The following GPANK1 variants were observed in gnomAD, a reference collection of about 807,000 sequenced individuals.
The protein encoded by GPANK1 is G patch domain and ankyrin repeat-containing protein 1.
GPANK1 carries 22 observed loss-of-function variants against 24.0 expected under a neutral mutation model. That is an observed-to-expected ratio of 0.92 (90% CI 0.66 to 1.31). GPANK1 has a LOEUF of 1.31. GPANK1 is among the 50% of genes most tolerant of loss of function. GPANK1 has a pLI of 0.00. For missense variants in GPANK1, 469 were observed against 453.5 expected, an observed-to-expected ratio of 1.03 and a Z score of -0.31; for synonymous variants, 174 against 177.4, an observed-to-expected ratio of 0.98 and a Z score of 0.15.
chr6:31,662,714 C>G lies in GPANK1; in HGVS notation c.627-4G>C. 6.4e-7 allele frequency: 1 copy of G among 1,554,036 alleles called. No individual in the cohort carries two copies. Among genetic ancestry groups the G allele is most frequent in the Non-Finnish European group, 8.8e-7 (1 of 1,141,780 alleles). ...CTGGAGGGAGGGAGTAGGAGACCTG[C>G]AGAGAAAGAAGAAAAAGCATTAAGG... On this transcript the variant is annotated splice_polypyrimidine_tract_variant and splice_region_variant and intron_variant, in intron 2 of 2. Transcript: ENST00000375896. This position sits in a 1 kb window ranked among gnomAD's most constrained non-coding sequence, Gnocchi z 5.5.
chr6:31,664,200 T>TC lies in GPANK1; in HGVS notation c.278dup (p.Gln94ThrfsTer6), dbSNP rs1353618721. The TC allele has an allele frequency of 3.7e-6, 6 of 1,614,168 alleles. No individual in the cohort carries two copies. Among genetic ancestry groups the TC allele is most frequent in the Non-Finnish European group, 5.1e-6 (6 of 1,179,974 alleles). On this transcript the variant is annotated frameshift_variant, in exon 2 of 3. Transcript: ENST00000375896. LOFTEE classifies it high-confidence loss of function. ...CCTCAGCCTCAAGGGATCTCCCTTG[T>TC]CCATGTCTTCCTGATGCTCCTTCTG...
In GPANK1 at chr6:31,662,658, C is replaced by CTTGG; in HGVS notation, c.675_678dup (p.Asp227ProfsTer54). ...GCAGTGGATGTGCGGTGGTTGGAAT[C>CTTGG]TTGGAAGTGGGTGTCACAGTTCTCG... On this transcript the variant is annotated frameshift_variant, in exon 3 of 3. Transcript: ENST00000375896. LOFTEE classifies it high-confidence loss of function. This position sits in a 1 kb window ranked among gnomAD's most constrained non-coding sequence, Gnocchi z 5.5. 6.2e-7 allele frequency: 1 copy of CTTGG among 1,611,604 alleles called. No individual in the cohort carries two copies.
At position 31,662,076 on chromosome 6, in the gene GPANK1, A is replaced by G. The variant is rs186090343; in HGVS notation, c.*190T>C. ...TTGGCTTCCTCAAAATAGCTTCCAGAAAAGTGAATAAACCACAAATGGTTG... is the reference window on the plus strand; with the variant it reads ...TTGGCTTCCTCAAAATAGCTTCCAGGAAAGTGAATAAACCACAAATGGTTG... On this transcript the variant is annotated 3_prime_UTR_variant, in exon 3 of 3. Coordinates refer to ENST00000375896, the MANE Select transcript of GPANK1 (RefSeq NM_033177.4). This position sits in a 1 kb window ranked among gnomAD's most constrained non-coding sequence, Gnocchi z 5.5. The G allele has an allele frequency of 9.4e-4, 399 of 425,782 alleles. 1 individual carries two copies. Among genetic ancestry groups the G allele is most frequent in the East Asian group, 6.7e-3 (190 of 28,338 alleles). The allele number at this position is 425,782 out of a possible 1,614,324, so 26.4% of individuals were successfully genotyped here.
In GPANK1 at chr6:31,664,401, T is replaced by C; in HGVS notation, c.78A>G (p.Pro26=). 6.2e-7 allele frequency: 1 copy of C among 1,614,150 alleles called. No homozygotes were observed. The highest frequency in any genetic ancestry group is 2.2e-5 in the East Asian group (1 of 44,894). ...SDLWKDGQQQ[P]QPEKPESTLD... ...GGGTGGACTCTGGCTTCTCGGGCTG[T>C]GGCTGCTGCTGCCCATCCTTCCAGA... is the stretch of plus-strand genomic sequence containing the variant. The change falls in exon 2 of 3, where the codon CCA becomes CCG. Residue 26 remains proline (P), a synonymous_variant. Transcript: ENST00000375896.
In GPANK1 at chr6:31,662,481, G is replaced by T. The variant is rs1383280041; in HGVS notation, c.856C>A (p.Pro286Thr). The T allele has an allele frequency of 6.2e-7, 1 of 1,611,728 alleles. No individual in the cohort carries two copies. Among genetic ancestry groups the T allele is most frequent in the Non-Finnish European group, 8.5e-7 (1 of 1,179,192 alleles). The stretch of plus-strand genomic sequence containing the variant: ...TCCTGGTCCCTCTTGAGGACAGTGG[G>T]GATGGGATTGGCACGGCCCTCACCC... ...PRGEGRANPI[P>T]TVLKRDQEGL... is the part of the protein sequence containing the mutation. Residue 286 changes from proline (P) to threonine (T), a missense_variant, in exon 3 of 3, where the codon CCC becomes ACC. By Grantham distance (38) the Pro-to-Thr change is conservative. Coordinates refer to ENST00000375896, the MANE Select transcript of GPANK1 (RefSeq NM_033177.4). This position sits in a 1 kb window ranked among gnomAD's most constrained non-coding sequence, Gnocchi z 5.5.
At chr6:31,665,407 C>G (rs1309634664), upstream of GPANK1, 4 of 1,542,438 alleles carry the variant, frequency 2.6e-6, no homozygotes, top group East Asian at 7.3e-5. Context: ...CACCATTACT[C>G]TGACCAGGGT....
chr6:31,661,716 A>G lies in GPANK1; in HGVS notation c.*550T>C, dbSNP rs1800871503. 5.9e-6 allele frequency: 1 copy of G among 168,316 alleles called. No individual in the cohort carries two copies. The highest frequency in any genetic ancestry group is 1.3e-5 in the Non-Finnish European group (1 of 78,092). 10.4% of individuals were successfully genotyped at this position (168,316 alleles called of 1,614,324 possible). ...ACTGCATCTCAAAAAAAAAAGAAAA[A>G]AATTGATAACATGGCACTTTCCCTC... On this transcript the variant is annotated 3_prime_UTR_variant, in exon 3 of 3. Transcript: ENST00000375896.
chr6:31,662,946 G>T lies in GPANK1; in HGVS notation c.627-236C>A, dbSNP rs1418701195. 7.2e-6 allele frequency among the ~76,000 whole-genome samples: 1 copy of T among 138,146 alleles called. No individual in the cohort carries two copies. The highest frequency in any genetic ancestry group is 2.9e-5 in the African/African-American group (1 of 34,356). The allele number at this position is 138,146 out of a possible 152,430, so 90.6% of individuals were successfully genotyped here. ...CAGCCTGGGCAAAATGGCAACGCCTGCTTTTTTTTTTTTTTTTTTTGAGAT... is the reference window on the plus strand; with the variant it reads ...CAGCCTGGGCAAAATGGCAACGCCTTCTTTTTTTTTTTTTTTTTTTGAGAT... On this transcript the variant is annotated intron_variant, in intron 2 of 2. Coordinates refer to ENST00000375896, the MANE Select transcript of GPANK1 (RefSeq NM_033177.4). The surrounding 1 kb of genome is among the most constrained non-coding windows in gnomAD (Gnocchi z 5.5).
rs867801913 is a variant in GPANK1 at position 31,662,212 on chromosome 6, T to A, written c.*54A>T. On this transcript the variant is annotated 3_prime_UTR_variant, in exon 3 of 3. Coordinates refer to ENST00000375896, the MANE Select transcript of GPANK1 (RefSeq NM_033177.4). The surrounding 1 kb of genome is among the most constrained non-coding windows in gnomAD (Gnocchi z 5.5). ...GGAAGGGGAAGTCAAAGGGCCCAGG[T>A]CAGAGGCCCAAGTTCAGACTTCAGC... The A allele has an allele frequency of 5.5e-6, 7 of 1,273,910 alleles. No individual in the cohort carries two copies. The African/African-American group carries it at 9.0e-5, about 16-fold the overall frequency. The allele number at this position is 1,273,910 out of a possible 1,614,324, so 78.9% of individuals were successfully genotyped here.
upstream of GPANK1, chr6:31,665,468 G>A (rs1483230220): frequency 4.5e-6 from 7 of 1,569,596 alleles, no homozygotes; most frequent in Non-Finnish European, 6.0e-6. Flanking sequence ...GCAAAGGGAC[G>A]AGCAGAATGG....
Position 31,662,164 on chromosome 6 carries a change from G to T in GPANK1, c.*102C>A. Reference sequence around the variant, plus strand: ...AGAGCCTATTGACCAAAAACTTCAGGATCTGCATCTGAGCAGATCCCAGGA... The same window carrying T: ...AGAGCCTATTGACCAAAAACTTCAGTATCTGCATCTGAGCAGATCCCAGGA... On this transcript the variant is annotated 3_prime_UTR_variant, in exon 3 of 3. Coordinates refer to ENST00000375896, the MANE Select transcript of GPANK1 (RefSeq NM_033177.4). The surrounding 1 kb of genome is among the most constrained non-coding windows in gnomAD (Gnocchi z 5.5). 1 of 677,130 alleles carries T rather than the reference G, an allele frequency of 1.5e-6. No homozygotes were observed. The highest frequency in any genetic ancestry group is 2.9e-5 in the East Asian group (1 of 34,796). The allele number at this position is 677,130 out of a possible 1,614,324, so 41.9% of individuals were successfully genotyped here.
At position 31,664,280 on chromosome 6, in the gene GPANK1, C is replaced by G; in HGVS notation, c.199G>C (p.Glu67Gln). Reference sequence around the variant, plus strand: ...ATTCTTCTTTTCTTTCTCTTTCTTTCTCTGGCAGGTTCAGTCTGAGATCTC... The same window carrying G: ...ATTCTTCTTTTCTTTCTCTTTCTTTGTCTGGCAGGTTCAGTCTGAGATCTC... ...SQRSQTEPAR[E>Q]RKRKKRRIMK... Residue 67 changes from glutamate (E) to glutamine (Q), a missense_variant, in exon 2 of 3, where the codon GAA becomes CAA. Glu to Gln is a conservative substitution (Grantham distance 29). Transcript: ENST00000375896. The G allele has an allele frequency of 6.2e-7, 1 of 1,614,158 alleles. No homozygotes were observed. Among genetic ancestry groups the G allele is most frequent in the Admixed American group, 1.7e-5 (1 of 60,024 alleles).
chr6:31,662,784 G>A lies in GPANK1; in HGVS notation c.627-74C>T. On this transcript the variant is annotated intron_variant, in intron 2 of 2. Transcript: ENST00000375896. This position sits in a 1 kb window ranked among gnomAD's most constrained non-coding sequence, Gnocchi z 5.5. ...AAGAGTTGAGGCCTCAGAGGGGGCTGGCAGGGTAGAATAGGATCTTTTCAG... is the reference window on the plus strand; with the variant it reads ...AAGAGTTGAGGCCTCAGAGGGGGCTAGCAGGGTAGAATAGGATCTTTTCAG... 1.1e-6 allele frequency: 1 copy of A among 950,366 alleles called. No homozygotes were observed. The highest frequency in any genetic ancestry group is 1.6e-6 in the Non-Finnish European group (1 of 627,022). 58.9% of individuals were successfully genotyped at this position (950,366 alleles called of 1,614,324 possible).
chr6:31,663,741 A>G (rs1038583800), intron 2 of GPANK1, 112 bp downstream of exon 2: 7 of 1,463,154 alleles, frequency 4.8e-6, no homozygotes, highest in Admixed American at 2.5e-5. Context: ...GTCAACCTAC[A>G]CATGAGGATA....
At chr6:31,663,556 T>C (rs1379860974) in intron 2 of GPANK1, among the ~76,000 whole-genome samples, 2 of 152,230 alleles carry the variant, frequency 1.3e-5, no homozygotes, top group Non-Finnish European at 2.9e-5. Context: ...CGGCATGCAC[T>C]ATTCTAGCAT....
upstream of GPANK1, chr6:31,665,377 A>C: frequency 7.1e-7 from 1 of 1,404,312 alleles, no homozygotes; most frequent in Non-Finnish European, 9.9e-7. Context: ...GTGTAATGAA[A>C]TAACGTCACG....
Position 31,662,424 on chromosome 6 carries a change from G to A in GPANK1, c.913C>T (p.Arg305Ter), listed in dbSNP as rs548755060. 7.4e-6 allele frequency: 12 copies of A among 1,612,444 alleles called. No individual in the cohort carries two copies. Among genetic ancestry groups the A allele is most frequent in the South Asian group, 5.5e-5 (5 of 90,954 alleles). ...TCCCAAGCTGGGAAATGTGTCACTC[G>A]GGGCTGGGGTGCTGATCTGTAGCCT... The part of the protein sequence containing the change: ...GLGYRSAPQP[R>*]VTHFPAWDTR... The change falls in exon 3 of 3, where the codon CGA becomes TGA. Residue 305 changes from arginine (R) to a stop codon, truncating the protein, a stop_gained. Transcript: ENST00000375896. LOFTEE classifies it high-confidence loss of function. The surrounding 1 kb of genome is among the most constrained non-coding windows in gnomAD (Gnocchi z 5.5).
chr6:31,663,874 T>A lies in GPANK1; in HGVS notation c.605A>T (p.Glu202Val), dbSNP rs1480710882. Residue 202 changes from glutamate to valine, a missense_variant, in exon 2 of 3, where the codon GAG (glutamate) becomes GTG (valine). Coordinates refer to ENST00000375896, the MANE Select transcript of GPANK1 (RefSeq NM_033177.4). Reference sequence around the variant, plus strand: ...TTACCGGTTTTCCGGGCTCCTTGTCTCTCCATGGCTCTCCCTGACCATGCG... The same window carrying A: ...TTACCGGTTTTCCGGGCTCCTTGTCACTCCATGGCTCTCCCTGACCATGCG... The part of the protein sequence containing the change: ...VARMVRESHG[E>V]TRSPENRSPT... 6.4e-7 allele frequency: 1 copy of A among 1,562,274 alleles called. No individual in the cohort carries two copies. Among genetic ancestry groups the A allele is most frequent in the East Asian group, 2.3e-5 (1 of 44,356 alleles).
In GPANK1 at chr6:31,662,799, G is replaced by C; in HGVS notation, c.627-89C>G. 1 of 792,776 alleles carries C rather than the reference G, an allele frequency of 1.3e-6. No individual in the cohort carries two copies. The highest frequency in any genetic ancestry group is 1.9e-5 in the South Asian group (1 of 53,230). The allele number at this position is 792,776 out of a possible 1,614,324, so 49.1% of individuals were successfully genotyped here. On this transcript the variant is annotated intron_variant, in intron 2 of 2. Coordinates refer to ENST00000375896, the MANE Select transcript of GPANK1 (RefSeq NM_033177.4). The surrounding 1 kb of genome is among the most constrained non-coding windows in gnomAD (Gnocchi z 5.5). ...AGAGGGGGCTGGCAGGGTAGAATAG[G>C]ATCTTTTCAGCTTTTCTGCTAAGGA...
Sources: gnomAD v4.1 joint callset for allele counts (sites outside exome capture counted in the v4.1 genomes callset) on GRCh38, gnomAD v4.1.1 for gene constraint, Gnocchi (gnomAD v3.1) non-coding constraint, MANE v1.5 for transcripts, NCBI Gene and HGNC (gene_info 2026-07-23, HGNC 2026-07-21) for gene names.